RBMS3: variants seen among roughly 807,000 people sequenced by gnomAD.
RBMS3 encodes RNA-binding motif, single-stranded-interacting protein 3.
RBMS3 carries 27 observed loss-of-function variants against 66.8 expected under a neutral mutation model. The observed-to-expected ratio is 0.40, with a 90% confidence interval of 0.30 to 0.56. The LOEUF (loss-of-function observed/expected upper bound fraction) is 0.56, where lower values mean the gene tolerates loss of function less well. Among genes scored for constraint, RBMS3 ranks in the 20% least tolerant of loss-of-function variants. RBMS3 has a pLI of 0.40. For synonymous variants in RBMS3, 188 were observed against 183.0 expected (o/e 1.03, Z -0.22); for missense variants, 513 against 549.5 (o/e 0.93, Z 0.66).
intron 8 of RBMS3, among the ~76,000 whole-genome samples, chr3:29,897,010 T>G (rs1241639182): frequency 6.6e-6 from 1 of 151,626 alleles, no homozygotes; most frequent in Non-Finnish European, 1.5e-5. Context: ...ATAGATGCAA[T>G]TCCTGTATTT....
chr3:29,307,003 A>T (rs1187733031), intron 1 of RBMS3, among the ~76,000 whole-genome samples: 1 of 151,936 alleles, frequency 6.6e-6, no homozygotes, highest in African/African-American at 2.4e-5. Flanking sequence ...TATTCGTTAG[A>T]TTAATGAAAA....
At chr3:29,481,189 C>T (rs1575956406) in intron 2 of RBMS3, among the ~76,000 whole-genome samples, 1 of 152,134 alleles carries the variant, frequency 6.6e-6, no homozygotes, top group Non-Finnish European at 1.5e-5. Context: ...AGAAAAAGGG[C>T]TAGTGTCTAG....
chr3:29,385,760 A>T (rs9862050), intron 1 of RBMS3, among the ~76,000 whole-genome samples: 88,577 of 151,910 alleles, frequency 0.58, 26,224 homozygotes, highest in Middle Eastern at 0.65. Context: ...ACACATGCAA[A>T]GGACATATCC....
intron 1 of RBMS3, among the ~76,000 whole-genome samples, chr3:29,422,400 A>AAC (rs1294116602): frequency 6.6e-6 from 1 of 151,466 alleles, no homozygotes; most frequent in Non-Finnish European, 1.5e-5. Context: ...CCAGCCCAAA[A>AAC]AAAAAAAAAA....
At position 29,676,981 on chromosome 3, in the gene RBMS3, T is replaced by C. The variant is rs190811067; in HGVS notation, c.400-62739T>C. 9.1e-3 allele frequency among the ~76,000 whole-genome samples: 1,384 copies of C among 152,200 alleles called. 18 individuals are homozygous for C. Among genetic ancestry groups the C allele is most frequent in the African/African-American group, 0.032 (1,317 of 41,534 alleles). Reference sequence around the variant, plus strand: ...AGGCTGTACGGGAAGCATGACAGTATCTGCTTCTGGGGAGGCCTCAGGGAG... The same window carrying C: ...AGGCTGTACGGGAAGCATGACAGTACCTGCTTCTGGGGAGGCCTCAGGGAG... On this transcript the variant is annotated intron_variant, in intron 4 of 14. Transcript: ENST00000383767.
intron 4 of RBMS3, among the ~76,000 whole-genome samples, chr3:29,666,570 CCTTTTT>C (rs1162167573): frequency 1.3e-5 from 2 of 152,016 alleles, no homozygotes; most frequent in Non-Finnish European, 2.9e-5. Context: ...AAAGCTAACT[CCTTTTT>C]ATACTTGAAT....
intron 1 of RBMS3, among the ~76,000 whole-genome samples, chr3:29,318,742 A>G (rs1212726199): frequency 1.3e-5 from 2 of 151,884 alleles, no homozygotes; most frequent in East Asian, 3.9e-4. Context: ...GTATTGTGCT[A>G]TGTGCTAGGG....
intron 2 of RBMS3, among the ~76,000 whole-genome samples, chr3:29,479,996 A>G (rs1023194129): frequency 6.6e-6 from 1 of 152,198 alleles, no homozygotes; most frequent in Non-Finnish European, 1.5e-5. Context: ...AAATACTTTC[A>G]GAGAAAAGAA....
At chr3:29,998,399 G>A (rs922018350) in intron 14 of RBMS3, among the ~76,000 whole-genome samples, 4 of 151,274 alleles carry the variant, frequency 2.6e-5, no homozygotes, top group African/African-American at 9.9e-5. Context: ...TTTCTTCACA[G>A]AATTGGAAAA....
At chr3:29,489,471 A>T (rs3773024) in intron 3 of RBMS3, among the ~76,000 whole-genome samples, 11,139 of 152,022 alleles carry the variant, frequency 0.073, 696 homozygotes, top group African/African-American at 0.17. Context: ...CACCTCATAG[A>T]TTCAAGTCCT....
At chr3:29,362,514 C>T (rs189914147) in intron 1 of RBMS3, among the ~76,000 whole-genome samples, 119 of 152,300 alleles carry the variant, frequency 7.8e-4, no homozygotes, top group Non-Finnish European at 1.5e-3. Flanking sequence ...CTTGAGGAGG[C>T]AGTCTGCCCA....
intron 1 of RBMS3, among the ~76,000 whole-genome samples, chr3:29,421,841 C>A (rs2040749332): frequency 6.6e-6 from 1 of 152,144 alleles, no homozygotes; most frequent in South Asian, 2.1e-4. Flanking sequence ...CATCAATGGA[C>A]TTTTTACTTT....
chr3:29,901,756 C>T (rs1331682485), intron 10 of RBMS3, among the ~76,000 whole-genome samples: 2 of 151,694 alleles, frequency 1.3e-5, no homozygotes, highest in African/African-American at 2.4e-5. Context: ...TGAGCTTAGG[C>T]CACTAGGTTT....
chr3:29,928,180 T>TATG (rs1469443022), intron 10 of RBMS3, among the ~76,000 whole-genome samples: 1 of 102,588 alleles, frequency 9.7e-6, no homozygotes, highest in Non-Finnish European at 1.8e-5. Flanking sequence ...TCTTCAAATT[T>TATG]TATATATATA....
intron 11 of RBMS3, among the ~76,000 whole-genome samples, chr3:29,938,592 C>A (rs2061321791): frequency 6.6e-6 from 1 of 151,962 alleles, no homozygotes; most frequent in Admixed American, 6.6e-5. Context: ...CTTAGACTGT[C>A]ACTCTAATTC....
chr3:29,560,123 T>C (rs2046497336), intron 3 of RBMS3, among the ~76,000 whole-genome samples: 1 of 152,182 alleles, frequency 6.6e-6, no homozygotes, highest in Non-Finnish European at 1.5e-5. Context: ...CAAAAAATGA[T>C]AATAGGAGAA....
intron 6 of RBMS3, among the ~76,000 whole-genome samples, chr3:29,826,863 G>T (rs190554124): frequency 2.1e-4 from 32 of 152,144 alleles, no homozygotes; most frequent in African/African-American, 7.5e-4. Context: ...ATAGTCACAA[G>T]AATTAGAAGT....
intron 2 of RBMS3, among the ~76,000 whole-genome samples, chr3:29,479,926 C>T (rs1388328048): frequency 6.6e-6 from 1 of 152,200 alleles, no homozygotes; most frequent in East Asian, 1.9e-4. Flanking sequence ...CGTAAGTTCT[C>T]CAGGTCCTCA....
chr3:29,668,220 T>G (rs2050845206), intron 4 of RBMS3, among the ~76,000 whole-genome samples: 1 of 152,122 alleles, frequency 6.6e-6, no homozygotes. Context: ...ATGACATAAA[T>G]CAGACATTAG....
Sources: gnomAD v4.1 joint callset for allele counts (sites outside exome capture counted in the v4.1 genomes callset) on GRCh38, gnomAD v4.1.1 for gene constraint, MANE v1.5 for transcripts, NCBI Gene and HGNC (gene_info 2026-07-23, HGNC 2026-07-21) for gene names.